The following METTL21A variants were observed in gnomAD, a reference collection of about 807,000 sequenced individuals.
The protein encoded by METTL21A is methyltransferase 21A, HSPA lysine.
METTL21A carries 22 observed loss-of-function variants against 20.9 expected under a neutral mutation model. The observed-to-expected ratio is 1.05, with a 90% CI of 0.75 to 1.50. The LOEUF is 1.50. Ranked by LOEUF, METTL21A falls within the 40% of genes most tolerant of loss-of-function variation. The probability of loss-of-function intolerance (pLI) is 0.00; values close to 1 mark genes in which losing one functional copy is unlikely to be tolerated. For synonymous variants in METTL21A, 93 were observed against 102.0 expected, an observed-to-expected ratio of 0.91 and a Z score of 0.53; for missense variants, 271 against 266.8, an observed-to-expected ratio of 1.02 and a Z score of -0.11.
chr2:207,614,291 G>A (rs888536243), intron 3 of METTL21A, among the ~76,000 whole-genome samples: 1 of 152,054 alleles, frequency 6.6e-6, no homozygotes, highest in African/African-American at 2.4e-5. Context: ...AACTACTCAG[G>A]AGGCGGAGGT....
At chr2:207,603,759 C>T (rs1336755074) in intron 3 of METTL21A, among the ~76,000 whole-genome samples, 1 of 152,134 alleles carries the variant, frequency 6.6e-6, no homozygotes, top group Non-Finnish European at 1.5e-5. Context: ...TATATACCTT[C>T]TCAGGTCCCC....
rs2086701424 is a variant in METTL21A at position 207,599,548 on chromosome 2, C to T, written c.260-17388G>A. On this transcript the variant is annotated intron_variant, in intron 3 of 3. Coordinates refer to the METTL21A transcript ENST00000425132. ...GTTATAAAGACCTTATCCTTCATAC[C>T]TTGAGGATGATTGCACTGGTTTTGA... 1.5e-5 allele frequency: 3 copies of T among 197,298 alleles called. No homozygotes were observed. In the East Asian group the frequency reaches 2.4e-4, roughly 16 times the overall value. The allele number at this position is 197,298 out of a possible 1,614,324, so 12.2% of individuals were successfully genotyped here.
At chr2:207,604,761 C>G (rs561132218), downstream of METTL21A, among the ~76,000 whole-genome samples, 11 of 152,266 alleles carry the variant, frequency 7.2e-5, 1 homozygote, top group East Asian at 1.9e-3. Flanking sequence ...CGCCCTTGTC[C>G]CTGGCAACCA....
At chr2:207,622,179 T>A (rs2090570972) in intron 2 of METTL21A, among the ~76,000 whole-genome samples, 1 of 150,016 alleles carries the variant, frequency 6.7e-6, no homozygotes, top group Admixed American at 6.7e-5. Flanking sequence ...TTTTTTTTTT[T>A]TTTGAGATGG....
intron 3 of METTL21A, chr2:207,602,354 T>A (rs991807663): frequency 5.0e-6 from 1 of 201,772 alleles, no homozygotes; most frequent in African/African-American, 2.3e-5. Flanking sequence ...GTACGGTGGG[T>A]GCAGGTCCCA....
chr2:207,600,289 G>C lies in METTL21A; in HGVS notation c.260-18129C>G, dbSNP rs2086838430. The C allele has an allele frequency of 1.7e-5, 3 of 173,474 alleles. No homozygotes were observed. In the East Asian group the frequency reaches 3.0e-4, roughly 17 times the overall value. The allele number at this position is 173,474 out of a possible 1,614,324, so 10.7% of individuals were successfully genotyped here. On this transcript the variant is annotated intron_variant, in intron 3 of 3. Coordinates refer to the METTL21A transcript ENST00000425132. ...CATACAGTATATAATCTAAAGCTCT[G>C]AGAGCTCTTAAGTCAGGAATGCTGA...
At chr2:207,603,085 GA>G (rs1327919951) in intron 3 of METTL21A, 1 of 210,708 alleles carries the variant, frequency 4.7e-6, no homozygotes, top group East Asian at 7.2e-5. Context: ...TATTGGAGTT[GA>G]ATACTAAATA....
At chr2:207,604,336 CTT>C (rs2087682125), downstream of METTL21A, among the ~76,000 whole-genome samples, 1 of 152,194 alleles carries the variant, frequency 6.6e-6, no homozygotes, top group Admixed American at 6.5e-5. Flanking sequence ...CCAAGACAAA[CTT>C]AACTTCTCCC....
intron 3 of METTL21A, among the ~76,000 whole-genome samples, chr2:207,616,029 G>C (rs1239965393): frequency 1.3e-5 from 2 of 152,074 alleles, no homozygotes; most frequent in East Asian, 3.9e-4. Flanking sequence ...GATTACAGGC[G>C]TGAGCTACTG....
At chr2:207,582,287 C>T (rs894708434) in intron 3 of METTL21A, 24 of 629,840 alleles carry the variant, frequency 3.8e-5, no homozygotes, top group Non-Finnish European at 6.8e-5. Flanking sequence ...GTTTTGCCCA[C>T]CAGTTTTAGA....
intron 3 of METTL21A, chr2:207,615,753 A>C (rs1168792206): frequency 6.6e-6 from 1 of 152,288 alleles, no homozygotes; most frequent in African/African-American, 2.4e-5. Flanking sequence ...TTACCACTTA[A>C]AGAACAAGTA....
intron 3 of METTL21A, among the ~76,000 whole-genome samples, chr2:207,591,216 T>C (rs932647586): frequency 1.3e-5 from 2 of 152,202 alleles, no homozygotes; most frequent in African/African-American, 2.4e-5. Flanking sequence ...GACAGGAGAG[T>C]GTATTAAGGC....
intron 3 of METTL21A, chr2:207,582,908 AAC>A (rs759158333): frequency 0.11 from 29,422 of 278,884 alleles, 2,153 homozygotes; most frequent in Non-Finnish European, 0.13. Flanking sequence ...CAAACAAACA[AAC>A]AAAAAAAAAT....
chr2:207,624,615 G>A (rs977957616), intron 1 of METTL21A: 4 of 395,158 alleles, frequency 1.0e-5, no homozygotes, highest in Non-Finnish European at 1.8e-5. Flanking sequence ...GTTTGGGGAA[G>A]AAGAAAAAAA....
intron 3 of METTL21A, among the ~76,000 whole-genome samples, chr2:207,592,552 C>A (rs943004770): frequency 2.0e-5 from 3 of 152,082 alleles, no homozygotes; most frequent in East Asian, 3.8e-4. Flanking sequence ...CCCTCTCTTC[C>A]CTCCTTCCTC....
intron 3 of METTL21A, among the ~76,000 whole-genome samples, chr2:207,593,719 C>A (rs955011102): frequency 9.7e-6 from 1 of 102,658 alleles, no homozygotes; most frequent in Non-Finnish European, 1.9e-5. Context: ...TCCTCACAAA[C>A]TTTTTTTTTT....
At chr2:207,590,945 ATTTT>A (rs1193384059) in intron 3 of METTL21A, among the ~76,000 whole-genome samples, 2 of 152,124 alleles carry the variant, frequency 1.3e-5, no homozygotes, top group Non-Finnish European at 2.9e-5. Context: ...CAGTTTAAAA[ATTTT>A]TTTATTTCCT....
chr2:207,598,676 A>G, intron 3 of METTL21A: 1 of 164,362 alleles, frequency 6.1e-6, no homozygotes, highest in East Asian at 1.3e-4. Flanking sequence ...GTGAAACCCC[A>G]TCTCTACTAA....
intron 2 of METTL21A, among the ~76,000 whole-genome samples, 167 bp downstream of exon 2, chr2:207,624,062 C>G (rs543416907): frequency 7.8e-4 from 118 of 152,106 alleles, no homozygotes; most frequent in Non-Finnish European, 1.4e-3. Flanking sequence ...TTGCACTACT[C>G]TGTGAATATA....
Sources: allele counts gnomAD v4.1 joint callset (sites outside exome capture counted in the v4.1 genomes callset), GRCh38; gene constraint gnomAD v4.1.1; transcripts MANE v1.5; gene names NCBI Gene and HGNC (gene_info 2026-07-23, HGNC 2026-07-21).